Variants in CHD3 observed in about 807,000 individuals in gnomAD.
CHD3 encodes the protein ATP-dependent chromatin remodeler CHD3.
Under a neutral mutation model 248.9 loss-of-function variants are expected in CHD3, and 52 were observed. The observed-to-expected ratio is 0.21, with a 90% CI of 0.17 to 0.26. The LOEUF is 0.26. CHD3 is among the 10% of genes least tolerant of loss of function. The pLI, the probability that CHD3 is intolerant of heterozygous loss-of-function variation, is 1.00. For synonymous variants in CHD3, 985 were observed against 985.2 expected (o/e 1.00, Z 0.00); for missense variants, 1,482 against 2,605.8 (o/e 0.57, Z 9.39).
rs1032492419 is a variant in CHD3 at position 7,910,019 on chromosome 17, T to TA, written c.5591-408dup. ...CGTGATTCCTTAAAGCTTTGACACT[T>TA]ACCACCTCCCATGCCTCCTGACTAT... is the stretch of plus-strand genomic sequence containing the variant. On this transcript the variant is annotated intron_variant, in intron 37 of 39. Coordinates refer to ENST00000330494, the MANE Select transcript of CHD3 (RefSeq NM_001005273.3). The surrounding 1 kb of genome is among the most constrained non-coding windows in gnomAD (Gnocchi z 4.7). The TA allele has an allele frequency of 1.3e-5, 4 of 297,726 alleles. No homozygotes were observed. The highest frequency in any genetic ancestry group is 3.1e-5 in the South Asian group (1 of 32,764). 18.4% of individuals were successfully genotyped at this position (297,726 alleles called of 1,614,324 possible). A position where few individuals can be genotyped will look rare whatever the true frequency, so the allele number is the denominator to read the frequency against.
Position 7,900,603 on chromosome 17 carries a change from G to A in CHD3, c.2850G>A (p.Glu950=), listed in dbSNP as rs1970188193. 6.2e-7 allele frequency: 1 copy of A among 1,614,100 alleles called. No individual in the cohort carries two copies. The highest frequency in any genetic ancestry group is 8.5e-7 in the Non-Finnish European group (1 of 1,180,022). Residue 950 remains glutamate (E), a synonymous_variant, in exon 18 of 40, where the codon GAG becomes GAA. Transcript: ENST00000330494. This position sits in a 1 kb window ranked among gnomAD's most constrained non-coding sequence, Gnocchi z 6.5. ...AGGAGTTTGCTGACATATCCAAAGA[G>A]GACCAGATCAAGAAACTGCATGATT... The part of the protein sequence containing the change: ...FLEEFADISK[E]DQIKKLHDLL...
chr17:7,903,708 T>A lies in CHD3; in HGVS notation c.3728-117T>A. 1 of 1,205,712 alleles carries A rather than the reference T, an allele frequency of 8.3e-7. No individual in the cohort carries two copies. The highest frequency in any genetic ancestry group is 1.2e-6 in the Non-Finnish European group (1 of 866,142). The allele number at this position is 1,205,712 out of a possible 1,614,324, so 74.7% of individuals were successfully genotyped here. On this transcript the variant is annotated intron_variant, in intron 23 of 39. Transcript: ENST00000330494. The surrounding 1 kb of genome is among the most constrained non-coding windows in gnomAD (Gnocchi z 6.8). Reference sequence around the variant, plus strand: ...AAAACAAAAACCTTTCAACATTGGCTCCCGGGGAAAAAGCCTTCTCTAGGG... The same window carrying A: ...AAAACAAAAACCTTTCAACATTGGCACCCGGGGAAAAAGCCTTCTCTAGGG...
rs746299261 is a variant in CHD3, at chr17:7,903,104, A to T, written c.3495+43A>T. ...AGAACCCCTGCACCATTTAGCAAGGAGATGTGGGTTCATGGAGGAGGGTGT... is the reference window on the plus strand; with the variant it reads ...AGAACCCCTGCACCATTTAGCAAGGTGATGTGGGTTCATGGAGGAGGGTGT... On this transcript the variant is annotated intron_variant, in intron 22 of 39. Coordinates refer to ENST00000330494, the MANE Select transcript of CHD3 (RefSeq NM_001005273.3). The surrounding 1 kb of genome is among the most constrained non-coding windows in gnomAD (Gnocchi z 6.8). 6.3e-7 allele frequency: 1 copy of T among 1,599,354 alleles called. No homozygotes were observed. The highest frequency in any genetic ancestry group is 8.6e-7 in the Non-Finnish European group (1 of 1,169,232).
Position 7,899,576 on chromosome 17 carries a change from C to T in CHD3, c.2544+33C>T. On this transcript the variant is annotated intron_variant, in intron 15 of 39. Transcript: ENST00000330494. The surrounding 1 kb of genome is among the most constrained non-coding windows in gnomAD (Gnocchi z 6.8). ...CCTCTACCTCATATCCTCTGAGACC[C>T]TCAAAGCTGTCACTTCTTTTTCTCA... is the stretch of plus-strand genomic sequence containing the variant. 6.3e-7 allele frequency: 1 copy of T among 1,588,442 alleles called. No individual in the cohort carries two copies. Among genetic ancestry groups the T allele is most frequent in the Non-Finnish European group, 8.6e-7 (1 of 1,159,820 alleles).
In CHD3 at chr17:7,907,960, G is replaced by T; in HGVS notation, c.5093G>T (p.Arg1698Leu). Reference sequence around the variant, plus strand: ...GATGAGCCACGGTCCAATGGGCGACGAGAGGAAAAGACAGAGAAGCCCCGG... The same window carrying T: ...GATGAGCCACGGTCCAATGGGCGACTAGAGGAAAAGACAGAGAAGCCCCGG... ...PRDEPRSNGR[R>L]EEKTEKPRFM... Residue 1698 changes from arginine to leucine, a missense_variant, in exon 34 of 40, where the codon CGA (arginine) becomes CTA (leucine). By Grantham distance (102) the Arg-to-Leu change is moderately radical. Transcript: ENST00000330494. The surrounding 1 kb of genome is among the most constrained non-coding windows in gnomAD (Gnocchi z 4.3). 4.3e-6 allele frequency: 7 copies of T among 1,612,960 alleles called. No individual in the cohort carries two copies. Among genetic ancestry groups the T allele is most frequent in the Non-Finnish European group, 5.9e-6 (7 of 1,179,130 alleles).
At chr17:7,890,837 G>A in intron 3 of CHD3, 96 bp downstream of exon 3, 1 of 1,583,898 alleles carries the variant, frequency 6.3e-7, no homozygotes, top group Admixed American at 1.8e-5. Context: ...GGGGCAAGAA[G>A]CAAGAAAGCC....
Position 7,907,627 on chromosome 17 carries a change from G to T in CHD3, c.4951G>T (p.Gly1651Trp), listed in dbSNP as rs368192625. The T allele has an allele frequency of 6.6e-7, 1 of 1,524,450 alleles. No homozygotes were observed. Among genetic ancestry groups the T allele is most frequent in the Non-Finnish European group, 8.8e-7 (1 of 1,140,606 alleles). 94.4% of individuals were successfully genotyped at this position (1,524,450 alleles called of 1,614,324 possible). A position where few individuals can be genotyped will look rare whatever the true frequency, so the allele number is the denominator to read the frequency against. The stretch of plus-strand genomic sequence containing the variant: ...CACAGAGTCGACGCCAGGAGAAAGG[G>T]GGGAGGAGAAGCCGTTGGATGGACA... ...SATESTPGERGEEKPLDGQEH... is the reference protein window; with the variant it reads ...SATESTPGERWEEKPLDGQEH... Residue 1651 changes from glycine (G) to tryptophan (W), a missense_variant, in exon 33 of 40, where the codon GGG becomes TGG. Gly to Trp is a radical substitution (Grantham distance 184, BLOSUM62 -2). This residue lies in a region of CHD3 where 254 missense variants were observed against 266.7 expected (regional missense o/e 0.95). Transcript: ENST00000330494. The surrounding 1 kb of genome is among the most constrained non-coding windows in gnomAD (Gnocchi z 4.3).
At chr17:7,901,474 G>GTGACAAA (rs1422819031) in intron 20 of CHD3, 99 bp downstream of exon 20, 1 of 874,106 alleles carries the variant, frequency 1.1e-6, no homozygotes, top group African/African-American at 1.8e-5. Context: ...CTGCTCTGGT[G>GTGACAAA]TGACAAATGA....
At chr17:7,902,283 G>A (rs1377899652) in intron 20 of CHD3, among the ~76,000 whole-genome samples, 3 of 151,982 alleles carry the variant, frequency 2.0e-5, no homozygotes, top group South Asian at 2.1e-4. Context: ...TTAGCTGGGC[G>A]TGGTGGCGCA....
In CHD3 at chr17:7,909,269, G is replaced by T; in HGVS notation, c.5521G>T (p.Glu1841Ter). 6.4e-7 allele frequency: 1 copy of T among 1,557,370 alleles called. No homozygotes were observed. The change falls in exon 37 of 40, where the codon GAG becomes TAG. Residue 1841 changes from glutamate (E) to a stop codon, truncating the protein, a stop_gained. Coordinates refer to ENST00000330494, the MANE Select transcript of CHD3 (RefSeq NM_001005273.3). LOFTEE classifies it high-confidence loss of function. This position sits in a 1 kb window ranked among gnomAD's most constrained non-coding sequence, Gnocchi z 8.1. The stretch of plus-strand genomic sequence containing the variant: ...CTTCGCCGAGGCCGAGTGCCTGGCC[G>T]AGAGCCACCAGCACCTCTCCAAGGA... Reference protein sequence around the residue: ...ARFAEAECLAESHQHLSKESL... With the variant: ...ARFAEAECLA
chr17:7,905,489 A>C lies in CHD3; in HGVS notation c.4139-132A>C. The C allele has an allele frequency of 1.4e-6, 1 of 698,372 alleles. No homozygotes were observed. Among genetic ancestry groups the C allele is most frequent in the Non-Finnish European group, 2.4e-6 (1 of 415,504 alleles). 43.3% of individuals were successfully genotyped at this position (698,372 alleles called of 1,614,324 possible). A position where few individuals can be genotyped will look rare whatever the true frequency, so the allele number is the denominator to read the frequency against. ...GGTTAGTAGTTCTGAAGTGCTTGGG[A>C]GAGAATTGGGAGCACCTCAAACGTG... On this transcript the variant is annotated intron_variant, in intron 26 of 39. Coordinates refer to ENST00000330494, the MANE Select transcript of CHD3 (RefSeq NM_001005273.3). This position sits in a 1 kb window ranked among gnomAD's most constrained non-coding sequence, Gnocchi z 5.8.
rs757002317 is a variant in CHD3, at chr17:7,910,311, C to A, written c.5591-117C>A. ...TCTGGTTCTTTGACATCTGTGTTCT[C>A]CTCTCTCGCTCTTTTTCTGCCTGTA... is the stretch of plus-strand genomic sequence containing the variant. On this transcript the variant is annotated intron_variant, in intron 37 of 39. Coordinates refer to ENST00000330494, the MANE Select transcript of CHD3 (RefSeq NM_001005273.3). The surrounding 1 kb of genome is among the most constrained non-coding windows in gnomAD (Gnocchi z 4.7). 2 of 1,255,134 alleles carry A rather than the reference C, an allele frequency of 1.6e-6. No homozygotes were observed. Among genetic ancestry groups the A allele is most frequent in the South Asian group, 2.4e-5 (2 of 83,512 alleles). The allele number at this position is 1,255,134 out of a possible 1,614,324, so 77.7% of individuals were successfully genotyped here.
At position 7,910,494 on chromosome 17, in the gene CHD3, T is replaced by C. The variant is rs1971515823; in HGVS notation, c.5657T>C (p.Leu1886Pro). Residue 1886 changes from leucine (L) to proline (P), a missense_variant, in exon 38 of 40, where the codon CTG becomes CCG. Transcript: ENST00000330494. The surrounding 1 kb of genome is among the most constrained non-coding windows in gnomAD (Gnocchi z 4.7). The stretch of plus-strand genomic sequence containing the variant: ...GACGTGACCCGCCTGCCAGCCACGC[T>C]GTCCCGAATACCCCCCATCGCAGCC... ...KADVTRLPATLSRIPPIAARL... is the reference protein window; with the variant it reads ...KADVTRLPATPSRIPPIAARL... The C allele has an allele frequency of 6.2e-7, 1 of 1,614,106 alleles. No individual in the cohort carries two copies. Among genetic ancestry groups the C allele is most frequent in the South Asian group, 1.1e-5 (1 of 91,086 alleles).
At position 7,894,566 on chromosome 17, in the gene CHD3, G is replaced by C. The variant is rs1451465113; in HGVS notation, c.1227G>C (p.Glu409Asp). The C allele has an allele frequency of 3.1e-6, 5 of 1,613,956 alleles. No individual in the cohort carries two copies. Among genetic ancestry groups the C allele is most frequent in the Non-Finnish European group, 2.5e-6 (3 of 1,179,994 alleles). The change falls in exon 8 of 40, where the codon GAG becomes GAC. Residue 409 changes from glutamate (E) to aspartate (D), a missense_variant. By Grantham distance (45) the Glu-to-Asp change is conservative (BLOSUM62 2). Around this residue, in one of 20 missense-constraint regions of CHD3, gnomAD observed 138 missense variants for 241.1 expected, o/e 0.57. Transcript: ENST00000330494. ...ACCACCTCGTCTGCCTTGATCCTGAGCTTGACCGGGCTCCAGAGGGCAAAT... is the reference window on the plus strand; with the variant it reads ...ACCACCTCGTCTGCCTTGATCCTGACCTTGACCGGGCTCCAGAGGGCAAAT... ...RAYHLVCLDPELDRAPEGKWS... is the reference protein window; with the variant it reads ...RAYHLVCLDPDLDRAPEGKWS...
chr17:7,909,635 C>T lies in CHD3; in HGVS notation c.5590+297C>T, dbSNP rs1971409501. 1 of 469,156 alleles carries T rather than the reference C, an allele frequency of 2.1e-6. No homozygotes were observed. The highest frequency in any genetic ancestry group is 3.8e-6 in the Non-Finnish European group (1 of 263,478). The allele number at this position is 469,156 out of a possible 1,614,324, so 29.1% of individuals were successfully genotyped here. On this transcript the variant is annotated intron_variant, in intron 37 of 39. Transcript: ENST00000330494. This position sits in a 1 kb window ranked among gnomAD's most constrained non-coding sequence, Gnocchi z 8.1. ...GGCCTCTTCACTGGCAGTGGAACTG[C>T]ATGCCTGCCATACTGCTTAACATCA...
Position 7,889,245 on chromosome 17 carries a change from C to G in CHD3, c.100+145C>G. The G allele has an allele frequency of 6.8e-6, 7 of 1,030,522 alleles. No homozygotes were observed. The highest frequency in any genetic ancestry group is 9.8e-6 in the Non-Finnish European group (7 of 711,150). 63.8% of individuals were successfully genotyped at this position (1,030,522 alleles called of 1,614,324 possible). On this transcript the variant is annotated intron_variant, in intron 1 of 39. Transcript: ENST00000330494. The surrounding 1 kb of genome is among the most constrained non-coding windows in gnomAD (Gnocchi z 4.5). ...CTTAGGGAGCTGCCAGCTTGTGTCT[C>G]CCCACTCCAAGTGCTGGGGTCAGGC...
Position 7,907,358 on chromosome 17 carries a change from T to C in CHD3, c.4794T>C (p.Asp1598=). The change falls in exon 32 of 40, where the codon GAT becomes GAC. Residue 1598 remains aspartate, a synonymous_variant. Transcript: ENST00000330494. This position sits in a 1 kb window ranked among gnomAD's most constrained non-coding sequence, Gnocchi z 4.3. The part of the protein sequence containing the change: ...RIGEKMETEA[D]APSPAPSLGE... Reference sequence around the variant, plus strand: ...ACCCCATTGTCCTCTTCCAGGCTGATGCCCCCAGCCCAGCCCCATCACTTG... The same window carrying C: ...ACCCCATTGTCCTCTTCCAGGCTGACGCCCCCAGCCCAGCCCCATCACTTG... 1 of 1,605,470 alleles carries C rather than the reference T, an allele frequency of 6.2e-7. No individual in the cohort carries two copies. Among genetic ancestry groups the C allele is most frequent in the Non-Finnish European group, 8.5e-7 (1 of 1,175,540 alleles).
chr17:7,904,451 A>G lies in CHD3; in HGVS notation c.3904A>G (p.Ile1302Val). The G allele has an allele frequency of 6.2e-7, 1 of 1,613,052 alleles. No homozygotes were observed. Reference sequence around the variant, plus strand: ...TTCTGTTGCCCTTCAGATTGAGGAAATTGAGCGAGAGATCATCAAGCAGGA... The same window carrying G: ...TTCTGTTGCCCTTCAGATTGAGGAAGTTGAGCGAGAGATCATCAAGCAGGA... ...VVREEDKIEE[I>V]EREIIKQEEN... The change falls in exon 25 of 40, where the codon ATT (isoleucine) becomes GTT (valine). Residue 1302 changes from isoleucine to valine, a missense_variant. Ile to Val is a conservative substitution (Grantham distance 29). Transcript: ENST00000330494. The surrounding 1 kb of genome is among the most constrained non-coding windows in gnomAD (Gnocchi z 4.4).
chr17:7,899,677 C>A lies in CHD3; in HGVS notation c.2544+134C>A. ...CACCTGTCCTCCTGTCTCTGCACTA[C>A]CATCCTAGAGATATGGCAGGTACTC... is the stretch of plus-strand genomic sequence containing the variant. On this transcript the variant is annotated intron_variant, in intron 15 of 39. Coordinates refer to ENST00000330494, the MANE Select transcript of CHD3 (RefSeq NM_001005273.3). This position sits in a 1 kb window ranked among gnomAD's most constrained non-coding sequence, Gnocchi z 6.8. 9.6e-7 allele frequency: 1 copy of A among 1,044,478 alleles called. No homozygotes were observed. Among genetic ancestry groups the A allele is most frequent in the Non-Finnish European group, 1.4e-6 (1 of 705,260 alleles). The allele number at this position is 1,044,478 out of a possible 1,614,324, so 64.7% of individuals were successfully genotyped here. A position where few individuals can be genotyped will look rare whatever the true frequency, so the allele number is the denominator to read the frequency against.
Sources: allele counts gnomAD v4.1 joint callset (sites outside exome capture counted in the v4.1 genomes callset), GRCh38; gene constraint gnomAD v4.1.1; regional missense constraint gnomAD v4.1.1; non-coding constraint Gnocchi (gnomAD v3.1); transcripts MANE v1.5; gene names NCBI Gene and HGNC (gene_info 2026-07-23, HGNC 2026-07-21).